Variants in PCDHGA1 observed in about 807,000 individuals in gnomAD.
PCDHGA1 encodes the protein protocadherin gamma subfamily A, 1.
In PCDHGA1, 32 loss-of-function variants were observed where a neutral mutation model predicts 58.0. The ratio of observed to expected loss-of-function variants is 0.55; its 90% CI spans 0.42 to 0.74. The LOEUF (loss-of-function observed/expected upper bound fraction) is 0.74. Among genes scored for constraint, PCDHGA1 ranks in the 30% least tolerant of loss-of-function variants. PCDHGA1 has a pLI of 0.00. For missense variants in PCDHGA1, 1,205 were observed against 1,182.3 expected, an observed-to-expected ratio of 1.02 and a Z score of -0.28; for synonymous variants, 498 against 501.1, an observed-to-expected ratio of 0.99 and a Z score of 0.08.
rs766078622 is a variant in PCDHGA1, at chr5:141,346,265, C to A, written c.2421+13160C>A. On this transcript the variant is annotated intron_variant, in intron 1 of 3. Transcript: ENST00000517417. ...CCGGCTCGCACTTTGTGGGCGCGGACGGGGTTCGGGCTTTCCTGCAGACCT... is the reference window on the plus strand; with the variant it reads ...CCGGCTCGCACTTTGTGGGCGCGGAAGGGGTTCGGGCTTTCCTGCAGACCT... 4 of 1,614,172 alleles carry A rather than the reference C, an allele frequency of 2.5e-6. No homozygotes were observed. Among genetic ancestry groups the A allele is most frequent in the Non-Finnish European group, 2.5e-6 (3 of 1,180,022 alleles).
chr5:141,398,691 T>C, intron 1 of PCDHGA1: 1 of 1,613,876 alleles, frequency 6.2e-7, no homozygotes, highest in Non-Finnish European at 8.5e-7. Flanking sequence ...AACAGGATGG[T>C]AGTAAATACC....
In PCDHGA1 at chr5:141,357,153, G is replaced by C; in HGVS notation, c.2421+24048G>C. On this transcript the variant is annotated intron_variant, in intron 1 of 3. Coordinates refer to ENST00000517417, the MANE Select transcript of PCDHGA1 (RefSeq NM_018912.3). ...TAGTGGTCGTCCAGGACCATGGCCA[G>C]CCCCCTCTCTCGGCCACCGTCACAC... is the stretch of plus-strand genomic sequence containing the variant. The C allele has an allele frequency of 1.9e-6, 3 of 1,613,624 alleles. No homozygotes were observed. The South Asian group carries it at 3.3e-5, about 18-fold the overall frequency.
intron 1 of PCDHGA1, among the ~76,000 whole-genome samples, chr5:141,405,902 G>A (rs777584362): frequency 2.6e-5 from 4 of 152,084 alleles, no homozygotes; most frequent in Non-Finnish European, 4.4e-5. Flanking sequence ...CTGAAAGGAG[G>A]CATTTATTAG....
In PCDHGA1 at chr5:141,331,955, C is replaced by T. The variant is rs779350284; in HGVS notation, c.1271C>T (p.Ala424Val). 156 of 1,613,976 alleles carry T rather than the reference C, an allele frequency of 9.7e-5. No individual in the cohort carries two copies. Among genetic ancestry groups the T allele is most frequent in the Non-Finnish European group, 1.2e-4 (147 of 1,180,034 alleles). Residue 424 changes from alanine (A) to valine (V), a missense_variant, in exon 1 of 4, where the codon GCA becomes GTA. Transcript: ENST00000517417. The stretch of plus-strand genomic sequence containing the variant: ...TCTGGGTACAACATCACAATAACAG[C>T]AATAGACCAAGGAACTCCAGCTCTA... ...LISGYNITIT[A>V]IDQGTPALST... is the part of the protein sequence containing the mutation.
rs1207371456 is a variant in PCDHGA1 at position 141,487,371 on chromosome 5, G to A, written c.2422-7436G>A. On this transcript the variant is annotated intron_variant, in intron 1 of 3. Transcript: ENST00000517417. The surrounding 1 kb of genome is among the most constrained non-coding windows in gnomAD (Gnocchi z 5.0). ...TGCTTTCCTGCTGGCACCTGTGCCT[G>A]TCTCACCAGATCTCGAAGGAGGGAG... The A allele has an allele frequency of 4.3e-6, 7 of 1,614,076 alleles. No individual in the cohort carries two copies. In the Admixed American group the frequency reaches 5.0e-5, roughly 12 times the overall value.
At chr5:141,371,610 A>C in intron 1 of PCDHGA1, 1 of 1,614,006 alleles carries the variant, frequency 6.2e-7, no homozygotes, top group Non-Finnish European at 8.5e-7. Context: ...CAGGTTGGTG[A>C]CAGATGGAGC....
chr5:141,409,700 G>GCGGTGT (rs1561722150), intron 1 of PCDHGA1: 2 of 1,613,280 alleles, frequency 1.2e-6, no homozygotes, highest in Admixed American at 3.3e-5. Flanking sequence ...AGAGCCCCTG[G>GCGGTGT]CGGTGTCGTC....
chr5:141,472,838 T>C (rs1457889821), intron 1 of PCDHGA1, among the ~76,000 whole-genome samples: 1 of 151,464 alleles, frequency 6.6e-6, no homozygotes, highest in Non-Finnish European at 1.5e-5. Context: ...AATAGAAAAT[T>C]AGCTGGGCAT....
chr5:141,428,013 C>T, intron 1 of PCDHGA1: 4 of 1,603,660 alleles, frequency 2.5e-6, no homozygotes, highest in Non-Finnish European at 3.4e-6. Flanking sequence ...CGATATAGTG[C>T]CACGCGCCGC....
chr5:141,394,529 C>T, intron 1 of PCDHGA1: 2 of 1,614,216 alleles, frequency 1.2e-6, no homozygotes, highest in Non-Finnish European at 8.5e-7. Flanking sequence ...CAGACGGTTC[C>T]ACTGGCGTGG....
At chr5:141,350,506 AGTGAACG>A in intron 1 of PCDHGA1, 2 of 1,614,058 alleles carry the variant, frequency 1.2e-6, no homozygotes, top group Non-Finnish European at 1.7e-6. Context: ...GGGATTTGTT[AGTGAACG>A]GTAGGATAGA....
intron 1 of PCDHGA1, among the ~76,000 whole-genome samples, chr5:141,386,628 C>A (rs529516653): frequency 2.0e-5 from 3 of 151,780 alleles, no homozygotes; most frequent in Non-Finnish European, 4.4e-5. Flanking sequence ...CTCGCTCTGT[C>A]ACCCAGGCTG....
intron 1 of PCDHGA1, chr5:141,424,460 C>T (rs2096822106): frequency 6.6e-6 from 1 of 152,056 alleles, no homozygotes; most frequent in African/African-American, 2.4e-5. Context: ...GTATTATTTC[C>T]TTTTATTCTT....
At chr5:141,439,996 G>C (rs1156373511) in intron 1 of PCDHGA1, 1 of 153,262 alleles carries the variant, frequency 6.5e-6, no homozygotes, top group African/African-American at 2.4e-5. Flanking sequence ...GTTTGGTGGT[G>C]GGAAACCTTG....
intron 1 of PCDHGA1, chr5:141,418,974 G>C (rs754074516): frequency 1.0e-4 from 167 of 1,613,818 alleles, no homozygotes; most frequent in Non-Finnish European, 1.4e-4. Flanking sequence ...TTCAAAACAC[G>C]GGACCAAGAC....
At chr5:141,356,488 C>T (rs1760237124) in intron 1 of PCDHGA1, 1 of 1,613,868 alleles carries the variant, frequency 6.2e-7, no homozygotes, top group African/African-American at 1.3e-5. Flanking sequence ...CCAGGGAACT[C>T]CTCCACTGTC....
chr5:141,407,869 A>T lies in PCDHGA1; in HGVS notation c.2421+74764A>T, dbSNP rs1031666668. ...GGATGTACACCTGCATTTTCGAAGA[A>T]TATATACATTTCGGAGACCGAATTC... On this transcript the variant is annotated intron_variant, in intron 1 of 3. Coordinates refer to ENST00000517417, the MANE Select transcript of PCDHGA1 (RefSeq NM_018912.3). Among the ~76,000 whole-genome samples, 20 of 152,262 alleles carry T rather than the reference A, an allele frequency of 1.3e-4. No homozygotes were observed. The East Asian group carries it at 1.5e-3, about 12-fold the overall frequency.
Position 141,431,711 on chromosome 5 carries a change from G to T in PCDHGA1, c.2422-63096G>T. On this transcript the variant is annotated intron_variant, in intron 1 of 3. Coordinates refer to ENST00000517417, the MANE Select transcript of PCDHGA1 (RefSeq NM_018912.3). This position sits in a 1 kb window ranked among gnomAD's most constrained non-coding sequence, Gnocchi z 4.8. ...CGAGGAGTCAGGATTCTACCAGATG[G>T]AAGTGCAAGCAATGGATAATGCAGG... 1 of 1,614,230 alleles carries T rather than the reference G, an allele frequency of 6.2e-7. No homozygotes were observed. The highest frequency in any genetic ancestry group is 1.1e-5 in the South Asian group (1 of 91,092).
chr5:141,382,871 G>T (rs764156663), intron 1 of PCDHGA1: 3 of 1,520,506 alleles, frequency 2.0e-6, no homozygotes, highest in East Asian at 2.3e-5. Flanking sequence ...TCCCGAGATC[G>T]GCGCCTAAGC....
Sources: gnomAD v4.1 joint callset for allele counts (sites outside exome capture counted in the v4.1 genomes callset) on GRCh38, gnomAD v4.1.1 for gene constraint, Gnocchi (gnomAD v3.1) non-coding constraint, MANE v1.5 for transcripts, NCBI Gene and HGNC (gene_info 2026-07-23, HGNC 2026-07-21) for gene names.